DENND1A: variants seen among roughly 807,000 people sequenced by gnomAD.
DENND1A encodes the protein DENN domain containing 1A.
DENND1A carries 51 observed loss-of-function variants against 113.7 expected under a neutral mutation model. The observed-to-expected ratio is 0.45, with a 90% CI of 0.36 to 0.57. DENND1A has a LOEUF of 0.57. Ranked by LOEUF, DENND1A falls within the 20% of genes least tolerant of loss-of-function variation. DENND1A has a pLI of 0.00. For synonymous variants in DENND1A, 565 were observed against 570.8 expected (o/e 0.99, Z 0.14); for missense variants, 1,258 against 1,395.9 (o/e 0.90, Z 1.57).
At position 123,660,955 on chromosome 9, in the gene DENND1A, T is replaced by C. The variant is rs548548043; in HGVS notation, c.507+6071A>G. Among the ~76,000 whole-genome samples the C allele has an allele frequency of 6.6e-5, 10 of 152,318 alleles. No homozygotes were observed. In the East Asian group the frequency reaches 1.7e-3, roughly 26 times the overall value. On this transcript the variant is annotated intron_variant, in intron 8 of 23. Transcript: ENST00000394215. ...GAATGTGCTACCATCATATAGTGAG[T>C]AGAGCCCAGAGATGCTTGCTAAATA...
rs142889090 is a variant in DENND1A, at chr9:123,842,773, A to C, written c.88+36178T>G. ...GAAAAACTTTCCAATTCATTCTATAAGGCCAGTATTATGCTGATACCAAAA... is the reference window on the plus strand; with the variant it reads ...GAAAAACTTTCCAATTCATTCTATACGGCCAGTATTATGCTGATACCAAAA... On this transcript the variant is annotated intron_variant, in intron 2 of 23. Transcript: ENST00000394215. 3.5e-3 allele frequency among the ~76,000 whole-genome samples: 526 copies of C among 152,334 alleles called. 4 individuals are homozygous for C. Among genetic ancestry groups the C allele is most frequent in the African/African-American group, 0.012 (498 of 41,582 alleles).
intron 12 of DENND1A, among the ~76,000 whole-genome samples, chr9:123,561,571 G>A (rs555462295): frequency 1.7e-4 from 26 of 152,302 alleles, no homozygotes; most frequent in African/African-American, 5.3e-4. Flanking sequence ...ACAACACAGA[G>A]TCATATATCT....
At chr9:123,558,725 G>A (rs570624310) in intron 12 of DENND1A, among the ~76,000 whole-genome samples, 38 of 152,280 alleles carry the variant, frequency 2.5e-4, no homozygotes, top group African/African-American at 8.2e-4. Context: ...CAAGCTTCCC[G>A]GACTATTTCT....
chr9:123,618,564 G>A (rs997107985), intron 10 of DENND1A, among the ~76,000 whole-genome samples: 13 of 152,212 alleles, frequency 8.5e-5, no homozygotes, highest in Admixed American at 7.2e-4. Context: ...AGGGGGCTGG[G>A]GAAGGTGGGA....
At chr9:123,780,909 C>G (rs1017955217) in intron 3 of DENND1A, among the ~76,000 whole-genome samples, 22 of 152,224 alleles carry the variant, frequency 1.4e-4, no homozygotes, top group Non-Finnish European at 1.9e-4. Flanking sequence ...GTGATCCTAC[C>G]ACTAATTTTA....
At chr9:123,625,572 T>C (rs1034652111) in intron 10 of DENND1A, among the ~76,000 whole-genome samples, 3 of 152,096 alleles carry the variant, frequency 2.0e-5, no homozygotes, top group Non-Finnish European at 2.9e-5. Flanking sequence ...GGCGAAACCC[T>C]GTCTCTACTA....
chr9:123,486,997 A>G (rs1482547994), intron 13 of DENND1A, among the ~76,000 whole-genome samples: 2 of 152,242 alleles, frequency 1.3e-5, no homozygotes, highest in East Asian at 3.8e-4. Context: ...TAACTTGAGC[A>G]GTCTCCACTG....
chr9:123,382,715 TGTGCTGGG>T, intron 23 of DENND1A, 90 bp from the exon 24 acceptor site: 1 of 1,366,936 alleles, frequency 7.3e-7, no homozygotes, highest in Admixed American at 1.9e-5. Context: ...GTGCTGAATG[TGTGCTGGG>T]CCTAGTTGTG....
chr9:123,477,467 G>T (rs2050006852), intron 13 of DENND1A, among the ~76,000 whole-genome samples: 1 of 151,638 alleles, frequency 6.6e-6, no homozygotes, highest in African/African-American at 2.4e-5. Flanking sequence ...CTGAGGCAGG[G>T]TATCACTTGA....
At chr9:123,641,040 C>T (rs570008852) in intron 9 of DENND1A, among the ~76,000 whole-genome samples, 4 of 152,292 alleles carry the variant, frequency 2.6e-5, no homozygotes, top group African/African-American at 4.8e-5. Context: ...GAATGTGCTC[C>T]GTGTCTGCAC....
intron 13 of DENND1A, among the ~76,000 whole-genome samples, chr9:123,553,408 C>CT (rs992226792): frequency 6.6e-6 from 1 of 151,754 alleles, no homozygotes; most frequent in Non-Finnish European, 1.5e-5. Flanking sequence ...CCGCCCCCCC[C>CT]CCGCTCCTCA....
At chr9:123,772,964 C>T (rs941768766) in intron 3 of DENND1A, among the ~76,000 whole-genome samples, 1 of 152,158 alleles carries the variant, frequency 6.6e-6, no homozygotes, top group Non-Finnish European at 1.5e-5. Context: ...CAACACTGAG[C>T]TCATTGATTA....
At chr9:123,779,638 C>T (rs1447450143) in intron 3 of DENND1A, among the ~76,000 whole-genome samples, 1 of 151,926 alleles carries the variant, frequency 6.6e-6, no homozygotes, top group Non-Finnish European at 1.5e-5. Flanking sequence ...TACCTGAGAC[C>T]ATAGGCGCGG....
At chr9:123,643,680 G>T (rs2062149110) in intron 9 of DENND1A, among the ~76,000 whole-genome samples, 1 of 152,236 alleles carries the variant, frequency 6.6e-6, no homozygotes, top group African/African-American at 2.4e-5. Flanking sequence ...GGAATAGGGT[G>T]CAGGAGCTGC....
chr9:123,578,405 G>C (rs955148946), intron 12 of DENND1A, among the ~76,000 whole-genome samples: 8 of 152,216 alleles, frequency 5.3e-5, no homozygotes, highest in Non-Finnish European at 1.2e-4. Flanking sequence ...GATTAATCCA[G>C]TTCCAATTAT....
intron 2 of DENND1A, among the ~76,000 whole-genome samples, chr9:123,862,727 C>T (rs533738361): frequency 3.3e-5 from 5 of 152,260 alleles, no homozygotes; most frequent in African/African-American, 1.2e-4. Context: ...CCACCCCTCA[C>T]CCCCGAAAAA....
intron 12 of DENND1A, 82 bp from the exon 13 acceptor site, chr9:123,557,777 C>T: frequency 1.3e-6 from 2 of 1,500,124 alleles, no homozygotes; most frequent in Non-Finnish European, 1.8e-6. Context: ...ATATGGAGCC[C>T]TGGAAGATCC....
chr9:123,521,736 T>C (rs1399909664), intron 13 of DENND1A, among the ~76,000 whole-genome samples: 2 of 152,182 alleles, frequency 1.3e-5, no homozygotes, highest in Non-Finnish European at 2.9e-5. Context: ...GTCACAGTGA[T>C]TGTAAGACTG....
chr9:123,614,266 C>G (rs552689764), intron 10 of DENND1A, among the ~76,000 whole-genome samples: 7 of 152,326 alleles, frequency 4.6e-5, no homozygotes, highest in African/African-American at 1.4e-4. Context: ...ACAGCACATA[C>G]TCAGTACTTA....
Sources: allele counts gnomAD v4.1 joint callset (sites outside exome capture counted in the v4.1 genomes callset), GRCh38; gene constraint gnomAD v4.1.1; transcripts MANE v1.5; gene names NCBI Gene and HGNC (gene_info 2026-07-23, HGNC 2026-07-21).